KGD4: variants seen among roughly 807,000 people sequenced by gnomAD.
KGD4 encodes alpha-ketoglutarate dehydrogenase component 4.
the KGD4 span, chr5:69,218,071 G>A: frequency 6.2e-5 from 48 of 777,518 alleles, no homozygotes; most frequent in Non-Finnish European, 9.2e-5. Flanking sequence ...GTCCGGCGCC[G>A]AGGGTTCGAG....
chr5:69,227,937 A>G, the KGD4 span, among the ~76,000 whole-genome samples: 2 of 152,176 alleles, frequency 1.3e-5, no homozygotes, highest in Admixed American at 1.3e-4. Context: ...CTGGGCAACA[A>G]AGCAAGACCC....
At chr5:69,230,086 T>G in the KGD4 span, 1 of 151,930 alleles carries the variant, frequency 6.6e-6, no homozygotes, top group Non-Finnish European at 1.5e-5. Flanking sequence ...ATGGGGCCCC[T>G]CCTGTGCCAA....
chr5:69,228,197 C>A, the KGD4 span: 2 of 1,479,174 alleles, frequency 1.4e-6, no homozygotes, highest in Non-Finnish European at 1.8e-6. Flanking sequence ...TTTTTAATTT[C>A]AGTATCAGAA....
the KGD4 span, among the ~76,000 whole-genome samples, chr5:69,220,206 A>C: frequency 6.6e-6 from 1 of 151,972 alleles, no homozygotes; most frequent in Non-Finnish European, 1.5e-5. Flanking sequence ...CAGCCTGGAC[A>C]GTAGAGCTAG....
the KGD4 span, among the ~76,000 whole-genome samples, chr5:69,218,436 CTTAAGT>C: frequency 3.9e-4 from 59 of 150,492 alleles, 1 homozygote; most frequent in Non-Finnish European, 5.3e-4. Context: ...GAAAAGTAAA[CTTAAGT>C]TTAATTAGTA....
the KGD4 span, among the ~76,000 whole-genome samples, chr5:69,223,780 G>A: frequency 6.6e-6 from 1 of 151,988 alleles, no homozygotes; most frequent in African/African-American, 2.4e-5. Flanking sequence ...TGTATTCCAG[G>A]CCAGGCATGG....
chr5:69,221,565 T>A, the KGD4 span, among the ~76,000 whole-genome samples: 1 of 152,064 alleles, frequency 6.6e-6, no homozygotes, highest in South Asian at 2.1e-4. Context: ...GCTGAAAAAA[T>A]TGGATATCCA....
the KGD4 span, among the ~76,000 whole-genome samples, chr5:69,229,007 C>T: frequency 2.3e-5 from 3 of 128,762 alleles, no homozygotes; most frequent in Non-Finnish European, 4.7e-5. Context: ...AGTGAAACTC[C>T]GGAAACTCCA....
chr5:69,225,773 G>T, the KGD4 span, among the ~76,000 whole-genome samples: 23 of 152,134 alleles, frequency 1.5e-4, no homozygotes, highest in African/African-American at 5.3e-4. Context: ...TAGAGATGGG[G>T]TTTCACCATG....
the KGD4 span, among the ~76,000 whole-genome samples, chr5:69,221,553 G>C: frequency 1.8e-3 from 280 of 152,258 alleles, no homozygotes; most frequent in Middle Eastern, 0.01. Flanking sequence ...TTTCAACATG[G>C]TGCTGAAAAA....
At chr5:69,228,196 TCA>T in the KGD4 span, 1 of 1,535,544 alleles carries the variant, frequency 6.5e-7, no homozygotes, top group African/African-American at 1.4e-5. Context: ...TTTTTTAATT[TCA>T]GTATCAGAAG....
chr5:69,223,074 C>CTTTTT, the KGD4 span, among the ~76,000 whole-genome samples: 288 of 59,116 alleles, frequency 4.9e-3, 50 homozygotes, highest in East Asian at 5.6e-3. Flanking sequence ...CGGTGCGCAG[C>CTTTTT]TTTTTTTTTT....
chr5:69,223,957 C>T, the KGD4 span, among the ~76,000 whole-genome samples: 1 of 150,668 alleles, frequency 6.6e-6, no homozygotes, highest in Non-Finnish European at 1.5e-5. Context: ...CACTTGAACC[C>T]TTGAGGCGGA....
the KGD4 span, among the ~76,000 whole-genome samples, chr5:69,222,499 A>T: frequency 2.6e-5 from 4 of 152,336 alleles, no homozygotes; most frequent in African/African-American, 7.2e-5. Flanking sequence ...CCAGATCACA[A>T]TGGGTGTTGT....
chr5:69,222,446 A>C, the KGD4 span, among the ~76,000 whole-genome samples: 1 of 152,216 alleles, frequency 6.6e-6, no homozygotes, highest in Non-Finnish European at 1.5e-5. Context: ...AGCAATGGGT[A>C]CATAAGACAG....
At chr5:69,218,469 AAT>A in the KGD4 span, among the ~76,000 whole-genome samples, 2 of 52,036 alleles carry the variant, frequency 3.8e-5, no homozygotes, top group African/African-American at 2.4e-4. Context: ...TGTGTATATT[AAT>A]GTGTGTGTGT....
the KGD4 span, among the ~76,000 whole-genome samples, chr5:69,228,971 C>T: frequency 1.5e-5 from 2 of 135,456 alleles, no homozygotes; most frequent in African/African-American, 2.7e-5. Context: ...GCCAAGGTCA[C>T]GCCACTGCAC....
the KGD4 span, chr5:69,229,205 C>T: frequency 6.2e-7 from 1 of 1,609,518 alleles, no homozygotes; most frequent in Non-Finnish European, 8.5e-7. Flanking sequence ...TTTTCCTTTT[C>T]AGCGTGGAGG....
chr5:69,226,373 T>G, the KGD4 span: 41 of 1,609,450 alleles, frequency 2.5e-5, 1 homozygote, highest in Admixed American at 3.3e-5. Flanking sequence ...TAAGGTTTCC[T>G]GACAGAAGAG....
Sources: gnomAD v4.1 joint callset for allele counts (sites outside exome capture counted in the v4.1 genomes callset) on GRCh38, gnomAD v4.1.1 for gene constraint, MANE v1.5 for transcripts, NCBI Gene and HGNC (gene_info 2026-07-23, HGNC 2026-07-21) for gene names.